The following NRG1 variants were observed in gnomAD, a reference collection of about 807,000 sequenced individuals.
The protein encoded by NRG1 is neuregulin 1.
Under a neutral mutation model 63.8 loss-of-function variants are expected in NRG1, and 18 were observed. The ratio of observed to expected loss-of-function variants is 0.28; its 90% confidence interval spans 0.19 to 0.42. The LOEUF (loss-of-function observed/expected upper bound fraction) is 0.42, where lower values mean the gene tolerates loss of function less well. NRG1 is among the 10% of genes least tolerant of loss of function. NRG1 has a pLI of 1.00. For missense variants in NRG1, 762 were observed against 814.7 expected, an observed-to-expected ratio of 0.94 and a Z score of 0.79; for synonymous variants, 302 against 301.3, an observed-to-expected ratio of 1.00 and a Z score of -0.02.
At chr8:32,616,637 G>T (rs576955592) in intron 4 of NRG1, among the ~76,000 whole-genome samples, 198 bp from the exon 5 acceptor site, 1 of 152,172 alleles carries the variant, frequency 6.6e-6, no homozygotes, top group African/African-American at 2.4e-5. Context: ...CCTTTTAAAA[G>T]TCTTTGGGTC....
chr8:32,548,540 C>T lies in NRG1; in HGVS notation c.-187C>T, dbSNP rs759417475. 4.1e-4 allele frequency: 513 copies of T among 1,251,284 alleles called. 2 individuals carry two copies. Among genetic ancestry groups the T allele is most frequent in the Admixed American group, 3.9e-3 (88 of 22,770 alleles). The allele number at this position is 1,251,284 out of a possible 1,614,324, so 77.5% of individuals were successfully genotyped here. ...GAGCGCCCGTTCCAGGTGGCCGGAC[C>T]GCCCGCCGCGTCCGCGCCGCGCTCC... On this transcript the variant is annotated 5_prime_UTR_variant, in exon 1 of 12. Coordinates refer to ENST00000356819, the Ensembl canonical transcript of NRG1.
chr8:31,888,485 A>G (rs1326098313), intron 1 of NRG1, among the ~76,000 whole-genome samples: 1 of 152,090 alleles, frequency 6.6e-6, no homozygotes, highest in African/African-American at 2.4e-5. Context: ...CTGAGAGAGC[A>G]GTGATGCATT....
At chr8:32,368,790 C>CA (rs1808420861) in intron 1 of NRG1, among the ~76,000 whole-genome samples, 1 of 151,946 alleles carries the variant, frequency 6.6e-6, no homozygotes, top group Admixed American at 6.6e-5. Flanking sequence ...CCACCTTTGT[C>CA]AAAAAATAAT....
chr8:32,662,388 A>G (rs1157044471), intron 5 of NRG1, among the ~76,000 whole-genome samples: 1 of 152,200 alleles, frequency 6.6e-6, no homozygotes, highest in East Asian at 1.9e-4. Context: ...GTATTAAATG[A>G]GATCAGAGAG....
At position 32,188,030 on chromosome 8, in the gene NRG1, G is replaced by A. The variant is rs546264340; in HGVS notation, c.38-407798G>A. Among the ~76,000 whole-genome samples the A allele has an allele frequency of 2.0e-5, 3 of 152,150 alleles. No homozygotes were observed. The South Asian group carries it at 6.2e-4, about 32-fold the overall frequency. On this transcript the variant is annotated intron_variant, in intron 1 of 10. Transcript: ENST00000519301. Reference sequence around the variant, plus strand: ...AATGACTGGAGCATCTTAGCTGCAAGATAATGTCTTATTCAGATATCTTTA... The same window carrying A: ...AATGACTGGAGCATCTTAGCTGCAAAATAATGTCTTATTCAGATATCTTTA...
Position 32,759,973 on chromosome 8 carries a change from G to T in NRG1, c.1053-227G>T, listed in dbSNP as rs541129762. ...GCATTCGAAAATATTTATTGAATGA[G>T]TGGACAAGTGAATATACTGTATCCT... On this transcript the variant is annotated intron_variant, in intron 10 of 11. Coordinates refer to ENST00000356819, the Ensembl canonical transcript of NRG1. Among the ~76,000 whole-genome samples, 7 of 152,242 alleles carry T rather than the reference G, an allele frequency of 4.6e-5. No homozygotes were observed. In the East Asian group the frequency reaches 9.7e-4, roughly 21 times the overall value.
At chr8:32,122,795 C>A (rs1478274091) in intron 1 of NRG1, among the ~76,000 whole-genome samples, 2 of 151,248 alleles carry the variant, frequency 1.3e-5, no homozygotes, top group Admixed American at 1.3e-4. Context: ...CCACAACAGT[C>A]CCCAGAGTGT....
intron 1 of NRG1, among the ~76,000 whole-genome samples, chr8:31,919,291 A>G (rs934437336): frequency 6.6e-6 from 1 of 151,962 alleles, no homozygotes; most frequent in Non-Finnish European, 1.5e-5. Context: ...TTTTTTGATG[A>G]AGGGCAAAAC....
At chr8:31,974,580 G>A (rs771100976) in intron 1 of NRG1, among the ~76,000 whole-genome samples, 9 of 152,042 alleles carry the variant, frequency 5.9e-5, no homozygotes, top group Non-Finnish European at 1.3e-4. Context: ...ATAACTTTGG[G>A]GCATCTATTC....
intron 1 of NRG1, among the ~76,000 whole-genome samples, chr8:32,375,151 GT>G (rs11344585): frequency 0.86 from 130,042 of 150,894 alleles, 56,673 homozygotes; most frequent in Non-Finnish European, 0.92. Context: ...CCTGGATATA[GT>G]TTTTTTTTTA....
intron 1 of NRG1, among the ~76,000 whole-genome samples, chr8:32,009,452 T>G (rs546444907): frequency 6.6e-6 from 1 of 152,176 alleles, no homozygotes; most frequent in South Asian, 2.1e-4. Context: ...AACAGGCCAT[T>G]GCTGTGCTGG....
chr8:31,650,514 C>T lies in NRG1; in HGVS notation c.37+11083C>T, dbSNP rs180710700. Among the ~76,000 whole-genome samples the T allele has an allele frequency of 3.9e-5, 6 of 152,270 alleles. No homozygotes were observed. The East Asian group carries it at 9.7e-4, about 25-fold the overall frequency. On this transcript the variant is annotated intron_variant, in intron 1 of 10. Transcript: ENST00000519301. Reference sequence around the variant, plus strand: ...TCCTCTGCCTCGATCTTCTTCCACCCTCATTTCTACCTGTGGAATTTCTGT... The same window carrying T: ...TCCTCTGCCTCGATCTTCTTCCACCTTCATTTCTACCTGTGGAATTTCTGT...
chr8:32,477,965 C>T (rs942315937), intron 1 of NRG1, among the ~76,000 whole-genome samples: 1 of 152,212 alleles, frequency 6.6e-6, no homozygotes, highest in African/African-American at 2.4e-5. Context: ...ACCAATGCCA[C>T]AGTCCATCTG....
chr8:32,575,667 T>C (rs769327465), intron 1 of NRG1, among the ~76,000 whole-genome samples: 17 of 152,224 alleles, frequency 1.1e-4, no homozygotes, highest in Non-Finnish European at 2.4e-4. Context: ...AAGTATAAAG[T>C]AGGAAATTTT....
At chr8:32,211,084 C>G (rs1844658513) in intron 1 of NRG1, among the ~76,000 whole-genome samples, 1 of 152,180 alleles carries the variant, frequency 6.6e-6, no homozygotes, top group Non-Finnish European at 1.5e-5. Flanking sequence ...AATCCTCTCT[C>G]TAATCGCATT....
At chr8:32,467,704 A>G (rs10096770) in intron 1 of NRG1, among the ~76,000 whole-genome samples, 47,092 of 152,098 alleles carry the variant, frequency 0.31, 7,529 homozygotes, top group South Asian at 0.35. Flanking sequence ...TCTACATGGC[A>G]ATAGAAAGTC....
At chr8:32,570,188 C>T (rs998151677) in intron 1 of NRG1, among the ~76,000 whole-genome samples, 2 of 152,070 alleles carry the variant, frequency 1.3e-5, no homozygotes, top group African/African-American at 4.8e-5. Flanking sequence ...GGATTACAGG[C>T]GTGAGCCACT....
intron 3 of NRG1, among the ~76,000 whole-genome samples, chr8:32,609,645 G>GTC (rs1240468161): frequency 4.9e-5 from 4 of 80,898 alleles, no homozygotes; most frequent in Admixed American, 1.7e-4. Context: ...CCCTCTGTCT[G>GTC]TCTCTCTCTC....
intron 1 of NRG1, among the ~76,000 whole-genome samples, chr8:32,516,438 A>G (rs1194757211): frequency 6.6e-6 from 1 of 152,182 alleles, no homozygotes; most frequent in Non-Finnish European, 1.5e-5. Flanking sequence ...TATGAATTTT[A>G]GAATAGCTTT....
Sources: allele counts gnomAD v4.1 joint callset (sites outside exome capture counted in the v4.1 genomes callset), GRCh38; gene constraint gnomAD v4.1.1; transcripts MANE v1.5; gene names NCBI Gene and HGNC (gene_info 2026-07-23, HGNC 2026-07-21).